Variants in TMPRSS5 observed in about 807,000 individuals in gnomAD.
TMPRSS5 encodes transmembrane protease serine 5.
In TMPRSS5, 45 loss-of-function variants were observed where a neutral mutation model predicts 59.7. The observed-to-expected ratio is 0.75, with a 90% confidence interval of 0.59 to 0.97. The LOEUF is 0.97. TMPRSS5 is among the 50% of genes least tolerant of loss of function. The pLI is 0.00. For missense variants in TMPRSS5, 585 were observed against 596.7 expected, an observed-to-expected ratio of 0.98 and a Z score of 0.20; for synonymous variants, 225 against 232.0, an observed-to-expected ratio of 0.97 and a Z score of 0.27.
intron 8 of TMPRSS5, among the ~76,000 whole-genome samples, chr11:113,694,104 C>T (rs1380176747): frequency 2.0e-5 from 3 of 152,064 alleles, no homozygotes. Context: ...CCCATCTCTA[C>T]TAAAAATACA....
At chr11:113,699,147 T>C (rs1329811701) in intron 3 of TMPRSS5, 120 bp from the exon 4 acceptor site, 6 of 1,018,142 alleles carry the variant, frequency 5.9e-6, no homozygotes, top group African/African-American at 4.9e-5. Context: ...AGGAGGGGCA[T>C]AGCGCTCCAT....
intron 9 of TMPRSS5, among the ~76,000 whole-genome samples, chr11:113,692,126 G>A (rs1952800261): frequency 6.6e-6 from 1 of 152,106 alleles, no homozygotes; most frequent in South Asian, 2.1e-4. Context: ...GACCTCAAAT[G>A]ATCTGCCCAC....
chr11:113,701,229 G>A (rs1953121203), intron 1 of TMPRSS5, among the ~76,000 whole-genome samples: 2 of 152,234 alleles, frequency 1.3e-5, no homozygotes, highest in African/African-American at 4.8e-5. Context: ...AACAGGTAGA[G>A]GTTGGAATAG....
At position 113,699,705 on chromosome 11, in the gene TMPRSS5, G is replaced by A. The variant is rs1953070090; in HGVS notation, c.107-12C>T. On this transcript the variant is annotated splice_polypyrimidine_tract_variant and intron_variant, in intron 2 of 12. Transcript: ENST00000299882. ...CACTGCCTGAGAAACTGTGGGAAAG[G>A]GCAGAGGGGTATCTGGGTCCCCTGC... 1.3e-6 allele frequency: 2 copies of A among 1,559,152 alleles called. No homozygotes were observed. The highest frequency in any genetic ancestry group is 2.7e-5 in the African/African-American group (2 of 73,346).
chr11:113,701,969 T>C (rs929194900), intron 1 of TMPRSS5, among the ~76,000 whole-genome samples: 6 of 151,996 alleles, frequency 3.9e-5, no homozygotes, highest in Non-Finnish European at 2.9e-5. Context: ...CCACCCCCAG[T>C]CAGGCCCCGG....
At chr11:113,690,197 C>CT (rs1247865837) in intron 11 of TMPRSS5, 34 bp downstream of exon 11, 2 of 1,490,214 alleles carry the variant, frequency 1.3e-6, no homozygotes, top group Non-Finnish European at 1.8e-6. Flanking sequence ...CCCACCTCCA[C>CT]TCCCACCCTC....
chr11:113,690,888 C>G lies in TMPRSS5; in HGVS notation c.1016G>C (p.Gly339Ala), dbSNP rs1952760103. Residue 339 changes from glycine to alanine, a missense_variant, in exon 10 of 13, where the codon GGC becomes GCC. By Grantham distance (60) the Gly-to-Ala change is moderately conservative. Coordinates refer to ENST00000299882, the MANE Select transcript of TMPRSS5 (RefSeq NM_030770.4). ...LPAKEQHFPK[G>A]SRCWVSGWGH... The stretch of plus-strand genomic sequence containing the variant: ...CCAGCCAGACACCCAGCACCGCGAG[C>G]CCTTCGGAAAATGCTGTTCCTTGGC... 6.3e-7 allele frequency: 1 copy of G among 1,598,088 alleles called. No homozygotes were observed. Among genetic ancestry groups the G allele is most frequent in the Non-Finnish European group, 8.5e-7 (1 of 1,172,950 alleles).
At chr11:113,704,248 A>C (rs1474314574) in intron 1 of TMPRSS5, among the ~76,000 whole-genome samples, 1 of 152,186 alleles carries the variant, frequency 6.6e-6, no homozygotes, top group Admixed American at 6.5e-5. Context: ...GCAACCTACT[A>C]TGTGAACTTG....
intron 9 of TMPRSS5, 28 bp downstream of exon 9, chr11:113,693,043 C>A (rs187718352): frequency 4.5e-4 from 705 of 1,549,990 alleles, no homozygotes; most frequent in Middle Eastern, 1.5e-3. Flanking sequence ...TAGTCTCCAG[C>A]CTGCCCACCC....
chr11:113,704,745 G>A (rs1193423441), intron 1 of TMPRSS5, among the ~76,000 whole-genome samples: 1 of 151,864 alleles, frequency 6.6e-6, no homozygotes, highest in African/African-American at 2.4e-5. Flanking sequence ...AGCACCTGTT[G>A]GGCCCTATAT....
At chr11:113,699,929 G>A in intron 2 of TMPRSS5, 137 bp downstream of exon 2, 1 of 1,524,848 alleles carries the variant, frequency 6.6e-7, no homozygotes, top group Non-Finnish European at 8.8e-7. Context: ...AGCAGAAGCA[G>A]GTCTGGGGAT....
chr11:113,694,219 T>C (rs1357747318), intron 8 of TMPRSS5: 1 of 313,442 alleles, frequency 3.2e-6, no homozygotes, highest in Non-Finnish European at 5.6e-6. Context: ...CACTCCAGCC[T>C]GGGCAACAAA....
At chr11:113,688,349 A>G (rs1952663676) in intron 12 of TMPRSS5, 75 bp from the exon 13 acceptor site, 13 of 1,038,540 alleles carry the variant, frequency 1.3e-5, no homozygotes, top group Non-Finnish European at 1.9e-5. Context: ...TTAGTAAATC[A>G]CTTAACCATG....
chr11:113,691,798 G>A (rs1327092079), intron 9 of TMPRSS5, among the ~76,000 whole-genome samples: 1 of 149,808 alleles, frequency 6.7e-6, no homozygotes, highest in African/African-American at 2.5e-5. Flanking sequence ...AGATACTCAT[G>A]TAGTATCTAC....
intron 8 of TMPRSS5, 26 bp downstream of exon 8, chr11:113,694,452 T>C (rs370125431): frequency 4.0e-5 from 62 of 1,552,426 alleles, no homozygotes; most frequent in Admixed American, 1.9e-4. Context: ...TGAGGCTCTC[T>C]GTCCTCAGCA....
In TMPRSS5 at chr11:113,688,256, G is replaced by T; in HGVS notation, c.*4C>A. Reference sequence around the variant, plus strand: ...TGCAGTGAGACTGGAGGAAACAGCAGGACTCAGAGGAGGGAGTCCTAGACC... The same window carrying T: ...TGCAGTGAGACTGGAGGAAACAGCATGACTCAGAGGAGGGAGTCCTAGACC... On this transcript the variant is annotated 3_prime_UTR_variant, in exon 13 of 13. Transcript: ENST00000299882. The T allele has an allele frequency of 6.3e-7, 1 of 1,581,920 alleles. No homozygotes were observed. Among genetic ancestry groups the T allele is most frequent in the Non-Finnish European group, 8.6e-7 (1 of 1,164,076 alleles).
At chr11:113,697,638 T>G (rs1433210881) in intron 4 of TMPRSS5, among the ~76,000 whole-genome samples, 1 of 152,158 alleles carries the variant, frequency 6.6e-6, no homozygotes, top group African/African-American at 2.4e-5. Flanking sequence ...AACCATGTGT[T>G]TTTAAGCGTG....
At chr11:113,700,024 T>G (rs758861473) in intron 2 of TMPRSS5, 42 bp downstream of exon 2, 61 of 1,551,516 alleles carry the variant, frequency 3.9e-5, no homozygotes, top group Non-Finnish European at 5.1e-5. Context: ...TGCCCTCCAC[T>G]GTCCCCACCC....
chr11:113,704,343 C>T (rs907023094), intron 1 of TMPRSS5, among the ~76,000 whole-genome samples: 1 of 152,152 alleles, frequency 6.6e-6, no homozygotes, highest in African/African-American at 2.4e-5. Context: ...GAATAATCTC[C>T]CTCCTCGAGT....
Sources: allele counts gnomAD v4.1 joint callset (sites outside exome capture counted in the v4.1 genomes callset), GRCh38; gene constraint gnomAD v4.1.1; transcripts MANE v1.5; gene names NCBI Gene and HGNC (gene_info 2026-07-23, HGNC 2026-07-21).